GTF3C2: variants seen among roughly 807,000 people sequenced by gnomAD.
GTF3C2 encodes the protein general transcription factor 3C polypeptide 2.
A neutral mutation model predicts 117.4 loss-of-function variants in GTF3C2; 17 were observed. The ratio of observed to expected loss-of-function variants is 0.14; its 90% CI spans 0.10 to 0.22. The LOEUF is 0.22. Ranked by LOEUF, GTF3C2 falls within the 10% of genes least tolerant of loss-of-function variation. The pLI, the probability that GTF3C2 is intolerant of heterozygous loss-of-function variation, is 1.00. For synonymous variants in GTF3C2, 437 were observed against 427.0 expected (o/e 1.02, Z -0.29); for missense variants, 888 against 1,143.6 (o/e 0.78, Z 3.22).
chr2:27,334,376 C>T (rs1680383305), intron 10 of GTF3C2, among the ~76,000 whole-genome samples: 1 of 152,076 alleles, frequency 6.6e-6, no homozygotes, highest in African/African-American at 2.4e-5. Context: ...TCTGTTACAC[C>T]TGATAGTATC....
At chr2:27,348,536 G>T (rs1197994970) in intron 1 of GTF3C2, among the ~76,000 whole-genome samples, 1 of 152,172 alleles carries the variant, frequency 6.6e-6, no homozygotes, top group African/African-American at 2.4e-5. Context: ...CCAGGTACAG[G>T]CTCATGCCTG....
chr2:27,341,707 T>C (rs1680735723), intron 4 of GTF3C2: 2 of 509,534 alleles, frequency 3.9e-6, no homozygotes, highest in South Asian at 5.3e-5. Flanking sequence ...CTTATTTACG[T>C]TTGTTGTGTT....
chr2:27,335,358 G>C (rs773530148), intron 10 of GTF3C2: 16 of 644,038 alleles, frequency 2.5e-5, no homozygotes, highest in South Asian at 2.1e-4. Context: ...AGTCTTGAGA[G>C]CACAGAAGAG....
chr2:27,335,437 C>T (rs1326812130), intron 10 of GTF3C2, 161 bp downstream of exon 10: 2 of 714,714 alleles, frequency 2.8e-6, no homozygotes, highest in East Asian at 2.7e-5. Context: ...AGAGAGAGGG[C>T]TCAAGAACAA....
chr2:27,330,656 C>A (rs886845748), intron 12 of GTF3C2, among the ~76,000 whole-genome samples: 1 of 151,564 alleles, frequency 6.6e-6, no homozygotes, highest in Non-Finnish European at 1.5e-5. Flanking sequence ...ATAGTGAGAC[C>A]CCACCTCTAA....
At chr2:27,337,187 A>AT in intron 7 of GTF3C2, 57 bp downstream of exon 7, 1 of 1,019,676 alleles carries the variant, frequency 9.8e-7, no homozygotes, top group Non-Finnish European at 1.5e-6. Context: ...TTCAACATTC[A>AT]TTTTTCTTGT....
chr2:27,331,760 G>A (rs1312968755), intron 12 of GTF3C2, among the ~76,000 whole-genome samples: 6 of 151,854 alleles, frequency 4.0e-5, no homozygotes, highest in African/African-American at 7.2e-5. Context: ...GCAACATGGC[G>A]AAACCCCGTC....
chr2:27,336,652 G>A (rs1558616438), intron 7 of GTF3C2: 1 of 496,544 alleles, frequency 2.0e-6, no homozygotes, highest in Non-Finnish European at 3.6e-6. Flanking sequence ...CTGTCACCCA[G>A]GATGGAGTGC....
chr2:27,336,653 G>A (rs1680490928), intron 7 of GTF3C2: 1 of 495,072 alleles, frequency 2.0e-6, no homozygotes, highest in Non-Finnish European at 3.6e-6. Context: ...TGTCACCCAG[G>A]ATGGAGTGCA....
Position 27,328,833 on chromosome 2 carries a change from G to A in GTF3C2, c.2127+11C>T, listed in dbSNP as rs1390955324. 6.3e-7 allele frequency: 1 copy of A among 1,597,494 alleles called. No individual in the cohort carries two copies. The highest frequency in any genetic ancestry group is 8.6e-7 in the Non-Finnish European group (1 of 1,165,190). On this transcript the variant is annotated intron_variant, in intron 15 of 18. Coordinates refer to ENST00000264720, the Ensembl canonical transcript of GTF3C2. ...TTTGTAATGAAGACTGCAAAAGAAA[G>A]GGGGGCTCACCCAAACGGTGCCTTT...
intron 1 of GTF3C2, among the ~76,000 whole-genome samples, chr2:27,349,216 C>T (rs1337189112): frequency 7.0e-5 from 10 of 143,120 alleles, no homozygotes; most frequent in African/African-American, 2.4e-4. Flanking sequence ...GGCGCGATTT[C>T]GGCTCACTGC....
chr2:27,343,295 A>G lies in GTF3C2; in HGVS notation c.247+13T>C. 1.9e-6 allele frequency: 3 copies of G among 1,611,192 alleles called. No homozygotes were observed. The highest frequency in any genetic ancestry group is 2.5e-6 in the Non-Finnish European group (3 of 1,178,302). ...GCATGGGGAATAAAAAGATAAGAGGACAAGGTACATACCTGGCTGTTCCAG... is the reference window on the plus strand; with the variant it reads ...GCATGGGGAATAAAAAGATAAGAGGGCAAGGTACATACCTGGCTGTTCCAG... On this transcript the variant is annotated intron_variant, in intron 2 of 18. Transcript: ENST00000264720.
intron 1 of GTF3C2, among the ~76,000 whole-genome samples, chr2:27,347,972 G>GA (rs1227175468): frequency 2.0e-5 from 3 of 151,778 alleles, no homozygotes; most frequent in Non-Finnish European, 4.4e-5. Flanking sequence ...TGTCTCTACA[G>GA]AAAAATACCA....
intron 1 of GTF3C2, among the ~76,000 whole-genome samples, chr2:27,348,560 T>G (rs997002086): frequency 1.3e-5 from 2 of 152,068 alleles, no homozygotes; most frequent in Non-Finnish European, 2.9e-5. Flanking sequence ...TCCCAGTATG[T>G]TGGGAGGCCG....
chr2:27,329,273 A>G lies in GTF3C2; in HGVS notation c.1887T>C (p.Leu629=). 2 of 1,614,238 alleles carry G rather than the reference A, an allele frequency of 1.2e-6. No homozygotes were observed. The highest frequency in any genetic ancestry group is 1.7e-6 in the Non-Finnish European group (2 of 1,180,044). ...TTTTCCGGTCACTCCCCGCAGAGAC[A>G]AGGAAATGGCTGTAAAAAGACGGGA... Residue 629 remains leucine (L), a synonymous_variant, in exon 14 of 19, where the codon CTT becomes CTC. Coordinates refer to ENST00000264720, the Ensembl canonical transcript of GTF3C2. This position sits in a 1 kb window ranked among gnomAD's most constrained non-coding sequence, Gnocchi z 4.5.
At chr2:27,328,977 A>G in intron 14 of GTF3C2, 46 bp from the exon 15 acceptor site, 1 of 1,490,408 alleles carries the variant, frequency 6.7e-7, no homozygotes, top group Non-Finnish European at 9.3e-7. Flanking sequence ...CTTTAGATTC[A>G]TTTCTTCTTC....
In GTF3C2 at chr2:27,333,646, T is replaced by C. The variant is rs1265947077; in HGVS notation, c.1732+9A>G. The C allele has an allele frequency of 5.0e-6, 8 of 1,591,206 alleles. No individual in the cohort carries two copies. The highest frequency in any genetic ancestry group is 6.8e-6 in the Non-Finnish European group (8 of 1,169,214). ...AATAGTTCCTTATGTTTTATTTTGG[T>C]TTTTTTACCATTATAATATCCAGCA... is the stretch of plus-strand genomic sequence containing the variant. On this transcript the variant is annotated intron_variant, in intron 12 of 18. Transcript: ENST00000264720.
intron 4 of GTF3C2, among the ~76,000 whole-genome samples, chr2:27,338,789 C>T (rs1434499022): frequency 2.0e-5 from 3 of 152,014 alleles, no homozygotes; most frequent in Non-Finnish European, 2.9e-5. Flanking sequence ...CCCTCCCCCT[C>T]GGCCTCCCAA....
chr2:27,345,698 T>A (rs10205219), intron 1 of GTF3C2, among the ~76,000 whole-genome samples: 1 of 151,486 alleles, frequency 6.6e-6, no homozygotes, highest in African/African-American at 2.4e-5. Flanking sequence ...CATCCTATTA[T>A]GTTAAGAAAG....
Sources: allele counts gnomAD v4.1 joint callset (sites outside exome capture counted in the v4.1 genomes callset), GRCh38; gene constraint gnomAD v4.1.1; non-coding constraint Gnocchi (gnomAD v3.1); transcripts MANE v1.5; gene names NCBI Gene and HGNC (gene_info 2026-07-23, HGNC 2026-07-21).